Variants in POFUT3 observed in about 807,000 individuals in gnomAD.
The protein encoded by POFUT3 is protein O-fucosyltransferase 3.
the POFUT3 span, among the ~76,000 whole-genome samples, chr8:33,439,281 T>C: frequency 6.6e-6 from 1 of 152,014 alleles, no homozygotes; most frequent in African/African-American, 2.4e-5. Flanking sequence ...CGTGTGCCTG[T>C]AATCCCAGCT....
chr8:33,461,119 C>A, the POFUT3 span, among the ~76,000 whole-genome samples: 1 of 147,554 alleles, frequency 6.8e-6, no homozygotes, highest in Non-Finnish European at 1.5e-5. Flanking sequence ...CGTGCCACTG[C>A]ACTCCAGCTC....
chr8:33,426,763 G>C, the POFUT3 span, among the ~76,000 whole-genome samples: 1 of 152,194 alleles, frequency 6.6e-6, no homozygotes, highest in Non-Finnish European at 1.5e-5. Context: ...GGGCCTGGAA[G>C]CCGTGTAATT....
At chr8:33,408,497 A>G in the POFUT3 span, among the ~76,000 whole-genome samples, 2 of 151,834 alleles carry the variant, frequency 1.3e-5, no homozygotes, top group Non-Finnish European at 2.9e-5. Flanking sequence ...TCCTGGGCAC[A>G]CTCCTATCAA....
chr8:33,324,039 A>G, the POFUT3 span, among the ~76,000 whole-genome samples: 1 of 152,190 alleles, frequency 6.6e-6, no homozygotes, highest in African/African-American at 2.4e-5. Flanking sequence ...CCTGCCCTAT[A>G]CAGGCATTCA....
At chr8:33,413,034 C>T in the POFUT3 span, among the ~76,000 whole-genome samples, 1 of 152,182 alleles carries the variant, frequency 6.6e-6, no homozygotes, top group Non-Finnish European at 1.5e-5. Context: ...ACTTCACTTT[C>T]TAGGTATACG....
the POFUT3 span, among the ~76,000 whole-genome samples, chr8:33,437,351 A>G: frequency 6.6e-6 from 1 of 152,000 alleles, no homozygotes; most frequent in Non-Finnish European, 1.5e-5. Flanking sequence ...GAACTGAAGC[A>G]TCGGTCACAC....
chr8:33,472,066 T>C, the POFUT3 span, among the ~76,000 whole-genome samples: 2 of 152,188 alleles, frequency 1.3e-5, no homozygotes, highest in African/African-American at 4.8e-5. Flanking sequence ...CTAGTTGTAG[T>C]GTGACGTTAC....
the POFUT3 span, among the ~76,000 whole-genome samples, chr8:33,416,513 A>G: frequency 1.3e-5 from 2 of 152,160 alleles, no homozygotes; most frequent in Non-Finnish European, 2.9e-5. Context: ...GGAGTTCAAG[A>G]CCAGCCTGGC....
chr8:33,389,412 G>C, the POFUT3 span: 1 of 1,614,050 alleles, frequency 6.2e-7, no homozygotes, highest in African/African-American at 1.3e-5. Flanking sequence ...TTTTTCAGCT[G>C]CTGAGGGAGG....
chr8:33,469,804 T>TTTC, the POFUT3 span, among the ~76,000 whole-genome samples: 45 of 2,600 alleles, frequency 0.017, no homozygotes, highest in African/African-American at 0.047. Context: ...TTACTTTTTC[T>TTTC]TTTTTTTTTT....
At chr8:33,313,182 G>C in the POFUT3 span, among the ~76,000 whole-genome samples, 1 of 152,128 alleles carries the variant, frequency 6.6e-6, no homozygotes, top group Non-Finnish European at 1.5e-5. Flanking sequence ...AAATTAAGTA[G>C]GGAGATTAGA....
chr8:33,396,147 G>A, the POFUT3 span, among the ~76,000 whole-genome samples: 3 of 152,084 alleles, frequency 2.0e-5, no homozygotes, highest in Admixed American at 1.3e-4. Flanking sequence ...GTTCTTGCCC[G>A]GTTAACTCAC....
the POFUT3 span, chr8:33,361,335 A>G: frequency 6.6e-6 from 1 of 152,230 alleles, no homozygotes; most frequent in South Asian, 2.1e-4. Context: ...TGGTATAAAA[A>G]TTAAAAGGAC....
the POFUT3 span, among the ~76,000 whole-genome samples, chr8:33,374,294 A>G: frequency 2.0e-5 from 3 of 152,328 alleles, no homozygotes; most frequent in African/African-American, 7.2e-5. Context: ...ATAGGATGCA[A>G]TGAGAACACG....
the POFUT3 span, among the ~76,000 whole-genome samples, chr8:33,310,416 C>A: frequency 6.6e-6 from 1 of 152,092 alleles, no homozygotes; most frequent in Non-Finnish European, 1.5e-5. Context: ...TTTCAAAACA[C>A]AATAAAAATC....
At chr8:33,434,812 C>G in the POFUT3 span, among the ~76,000 whole-genome samples, 1 of 152,286 alleles carries the variant, frequency 6.6e-6, no homozygotes, top group African/African-American at 2.4e-5. Context: ...TCCTCGCTCC[C>G]CGAGGACTCC....
At chr8:33,362,139 C>T in the POFUT3 span, among the ~76,000 whole-genome samples, 1 of 152,136 alleles carries the variant, frequency 6.6e-6, no homozygotes, top group South Asian at 2.1e-4. Context: ...AAAGAATTTT[C>T]AACCCAGAAT....
the POFUT3 span, among the ~76,000 whole-genome samples, chr8:33,354,693 C>G: frequency 6.6e-6 from 1 of 152,134 alleles, no homozygotes; most frequent in Non-Finnish European, 1.5e-5. Context: ...GCCCAGTCAA[C>G]TTGGCATATA....
the POFUT3 span, among the ~76,000 whole-genome samples, chr8:33,358,885 C>T: frequency 6.6e-6 from 1 of 151,908 alleles, no homozygotes; most frequent in South Asian, 2.1e-4. Flanking sequence ...ACTCATTTTG[C>T]AATATGAGGT....
Sources: gnomAD v4.1 joint callset for allele counts (sites outside exome capture counted in the v4.1 genomes callset) on GRCh38, gnomAD v4.1.1 for gene constraint, MANE v1.5 for transcripts, NCBI Gene and HGNC (gene_info 2026-07-23, HGNC 2026-07-21) for gene names.